Variants in PTPRN2 observed in about 807,000 individuals in gnomAD.
The protein encoded by PTPRN2 is receptor-type tyrosine-protein phosphatase N2.
PTPRN2 carries 74 observed loss-of-function variants against 118.8 expected under a neutral mutation model. That is an observed-to-expected ratio of 0.62 (90% CI 0.52 to 0.76). The LOEUF (loss-of-function observed/expected upper bound fraction) is 0.76, where lower values mean the gene tolerates loss of function less well. Among genes scored for constraint, PTPRN2 ranks in the 30% least tolerant of loss-of-function variants. The probability of loss-of-function intolerance (pLI) is 0.00; values close to 1 mark genes in which losing one functional copy is unlikely to be tolerated. For missense variants in PTPRN2, 1,481 were observed against 1,394.4 expected, an observed-to-expected ratio of 1.06 and a Z score of -0.99; for synonymous variants, 641 against 608.0, an observed-to-expected ratio of 1.05 and a Z score of -0.80.
At chr7:158,362,070 A>G (rs1469249751) in intron 2 of PTPRN2, among the ~76,000 whole-genome samples, 4 of 151,770 alleles carry the variant, frequency 2.6e-5, no homozygotes. Context: ...GCTACCATCA[A>G]CCTCCCAGCC....
chr7:157,652,066 T>C (rs1416607736), intron 14 of PTPRN2, among the ~76,000 whole-genome samples: 2 of 152,228 alleles, frequency 1.3e-5, no homozygotes, highest in African/African-American at 4.8e-5. Flanking sequence ...AATAAAGCCC[T>C]TTCTCCTTAG....
At chr7:158,150,378 G>A (rs779038643) in intron 6 of PTPRN2, among the ~76,000 whole-genome samples, 2 of 152,294 alleles carry the variant, frequency 1.3e-5, no homozygotes, top group South Asian at 2.1e-4. Context: ...CCCAGTCTCC[G>A]CCCTCCACAT....
intron 3 of PTPRN2, among the ~76,000 whole-genome samples, chr7:158,274,481 C>CGGG (rs1563074829): frequency 3.3e-4 from 37 of 113,086 alleles, no homozygotes; most frequent in African/African-American, 1.1e-3. Flanking sequence ...AGGAGACACA[C>CGGG]GAGGAGCCGC....
chr7:158,149,354 T>C (rs1820663923), intron 6 of PTPRN2, among the ~76,000 whole-genome samples: 1 of 152,026 alleles, frequency 6.6e-6, no homozygotes, highest in African/African-American at 2.4e-5. Context: ...AACAACTACA[T>C]TGACATAAAC....
chr7:157,565,906 C>T (rs1312527785), intron 21 of PTPRN2, among the ~76,000 whole-genome samples: 7 of 152,204 alleles, frequency 4.6e-5, no homozygotes, highest in African/African-American at 1.4e-4. Flanking sequence ...CACGTGTAAG[C>T]GCTTCCCAGA....
chr7:158,581,867 T>C (rs1828644547), intron 1 of PTPRN2, among the ~76,000 whole-genome samples: 1 of 152,248 alleles, frequency 6.6e-6, no homozygotes, highest in Non-Finnish European at 1.5e-5. Flanking sequence ...GGTCCAGTTT[T>C]CCAGCTGCCT....
At chr7:158,100,732 C>A (rs566412912) in intron 10 of PTPRN2, among the ~76,000 whole-genome samples, 1 of 152,204 alleles carries the variant, frequency 6.6e-6, no homozygotes, top group African/African-American at 2.4e-5. Flanking sequence ...GTCTTTAGCC[C>A]ATTGTTTGAT....
chr7:157,702,993 C>G (rs1798154567), intron 12 of PTPRN2, among the ~76,000 whole-genome samples: 1 of 152,008 alleles, frequency 6.6e-6, no homozygotes, highest in Admixed American at 6.6e-5. Context: ...TTGTGGAAAG[C>G]CTTAAATTAA....
At chr7:158,388,590 C>A (rs1214163960) in intron 2 of PTPRN2, among the ~76,000 whole-genome samples, 7 of 152,228 alleles carry the variant, frequency 4.6e-5, no homozygotes, top group Admixed American at 4.6e-4. Context: ...ACGTGTCTGC[C>A]AACCTGCGAG....
In PTPRN2 at chr7:157,682,741, G is replaced by C. The variant is rs1460031676; in HGVS notation, c.1985C>G (p.Ala662Gly). ...SGLGGDPGAD[A>G]TAAYQELCRQ... is the part of the protein sequence containing the mutation. Reference sequence around the variant, plus strand: ...TCCTCTTACCTGGTAGGCGGCAGTGGCATCTGCACCTGGGTCGCCCCCTAG... The same window carrying C: ...TCCTCTTACCTGGTAGGCGGCAGTGCCATCTGCACCTGGGTCGCCCCCTAG... The change falls in exon 13 of 23, where the codon GCC (alanine) becomes GGC (glycine). Residue 662 changes from alanine to glycine, a missense_variant. Ala to Gly is a moderately conservative substitution (Grantham distance 60). This residue lies in a region of PTPRN2 where 1,115 missense variants were observed against 994.2 expected (regional missense o/e 1.12). Transcript: ENST00000389418. 1.2e-6 allele frequency: 2 copies of C among 1,613,672 alleles called. No individual in the cohort carries two copies. Among genetic ancestry groups the C allele is most frequent in the South Asian group, 2.2e-5 (2 of 91,086 alleles).
At chr7:158,074,625 C>T (rs943755603) in intron 11 of PTPRN2, among the ~76,000 whole-genome samples, 4 of 152,118 alleles carry the variant, frequency 2.6e-5, no homozygotes, top group African/African-American at 7.2e-5. Flanking sequence ...ACGTGGCTCC[C>T]GAGGTGGAGG....
In PTPRN2 at chr7:158,016,330, C is replaced by T. The variant is rs893546721; in HGVS notation, c.1723+64968G>A. Among the ~76,000 whole-genome samples the T allele has an allele frequency of 6.6e-5, 10 of 152,144 alleles. No homozygotes were observed. The South Asian group carries it at 1.7e-3, about 25-fold the overall frequency. ...GTTTAGACCCCGTCCTGTGCCCCGC[C>T]GGGCCCACAGCACAGACGCGCCTGG... On this transcript the variant is annotated intron_variant, in intron 11 of 22. Coordinates refer to ENST00000389418, the MANE Select transcript of PTPRN2 (RefSeq NM_002847.5).
At chr7:158,220,751 A>G (rs1828296008) in intron 3 of PTPRN2, among the ~76,000 whole-genome samples, 1 of 152,124 alleles carries the variant, frequency 6.6e-6, no homozygotes, top group African/African-American at 2.4e-5. Flanking sequence ...ATGGATAGGA[A>G]GAATCAATAT....
chr7:157,689,480 C>T (rs1797364295), intron 12 of PTPRN2, among the ~76,000 whole-genome samples: 1 of 152,210 alleles, frequency 6.6e-6, no homozygotes, highest in Admixed American at 6.5e-5. Context: ...CCGCAGCGCC[C>T]AGCTCAGCGC....
rs73748019 is a variant in PTPRN2 at position 158,068,597 on chromosome 7, C to T, written c.1723+12701G>A. Among the ~76,000 whole-genome samples the T allele has an allele frequency of 7.9e-3, 1,206 of 152,330 alleles. 19 individuals carry two copies. The highest frequency in any genetic ancestry group is 0.027 in the African/African-American group (1,123 of 41,578). On this transcript the variant is annotated intron_variant, in intron 11 of 22. Transcript: ENST00000389418. Reference sequence around the variant, plus strand: ...ACCGGGTGCCTATTGAATGTGAGCACTCAGCCCAAATCATCACTGTGAACT... The same window carrying T: ...ACCGGGTGCCTATTGAATGTGAGCATTCAGCCCAAATCATCACTGTGAACT...
intron 12 of PTPRN2, among the ~76,000 whole-genome samples, chr7:157,703,159 C>T (rs1301156540): frequency 6.6e-6 from 1 of 152,250 alleles, no homozygotes; most frequent in African/African-American, 2.4e-5. Flanking sequence ...CGGCCCAGGG[C>T]CTCCGTCCTC....
chr7:157,540,884 T>A, intron 22 of PTPRN2, 99 bp from the exon 23 acceptor site: 1 of 954,880 alleles, frequency 1.0e-6, no homozygotes, highest in Non-Finnish European at 1.6e-6. Context: ...CGTCCCCCCT[T>A]CCCAACGCAG....
Position 158,141,431 on chromosome 7 carries a change from G to A in PTPRN2, c.911-2916C>T, listed in dbSNP as rs533002152. Among the ~76,000 whole-genome samples the A allele has an allele frequency of 8.5e-5, 13 of 152,288 alleles. 1 individual carries two copies. Among genetic ancestry groups the A allele is most frequent in the South Asian group, 6.2e-4 (3 of 4,822 alleles). On this transcript the variant is annotated intron_variant, in intron 6 of 22. Coordinates refer to ENST00000389418, the MANE Select transcript of PTPRN2 (RefSeq NM_002847.5). ...AGCGGGGCCGGCACCCGGTCCCCAC[G>A]TGCCCCGTTCACTGCATACGCAGGA...
At chr7:158,186,312 C>A (rs1048788008) in intron 5 of PTPRN2, among the ~76,000 whole-genome samples, 1 of 152,052 alleles carries the variant, frequency 6.6e-6, no homozygotes, top group African/African-American at 2.4e-5. Flanking sequence ...TGGCAGATTT[C>A]TCCTGGGGCT....
Sources: allele counts gnomAD v4.1 joint callset (sites outside exome capture counted in the v4.1 genomes callset), GRCh38; gene constraint gnomAD v4.1.1; regional missense constraint gnomAD v4.1.1; transcripts MANE v1.5; gene names NCBI Gene and HGNC (gene_info 2026-07-23, HGNC 2026-07-21).